RYR3: variants seen among roughly 807,000 people sequenced by gnomAD.
The protein encoded by RYR3 is ryanodine receptor 3, also known as brain ryanodine receptor-calcium release channel.
In RYR3, 207 loss-of-function variants were observed where a neutral mutation model predicts 584.3. The observed-to-expected ratio is 0.35, with a 90% CI of 0.32 to 0.40. The LOEUF (loss-of-function observed/expected upper bound fraction) is 0.40. Among genes scored for constraint, RYR3 ranks in the 10% least tolerant of loss-of-function variants. The pLI is 1.00. For synonymous variants in RYR3, 2,416 were observed against 2,248.5 expected (o/e 1.07, Z -2.11); for missense variants, 5,616 against 6,089.2 (o/e 0.92, Z 2.59).
At chr15:33,703,073 C>CA (rs1303317703) in intron 42 of RYR3, among the ~76,000 whole-genome samples, 1 of 152,130 alleles carries the variant, frequency 6.6e-6, no homozygotes, top group East Asian at 1.9e-4. Context: ...TCTGCTGTTT[C>CA]AGGCCTTGGC....
chr15:33,687,390 A>G (rs1326066913), intron 38 of RYR3, among the ~76,000 whole-genome samples: 1 of 152,196 alleles, frequency 6.6e-6, no homozygotes, highest in Non-Finnish European at 1.5e-5. Context: ...AGAACTACAA[A>G]CCACTGCTCA....
chr15:33,355,679 C>T (rs1973873339), intron 1 of RYR3, among the ~76,000 whole-genome samples: 1 of 152,210 alleles, frequency 6.6e-6, no homozygotes, highest in Non-Finnish European at 1.5e-5. Context: ...GCTGGTGTTG[C>T]TTCCATTGTA....
chr15:33,803,252 C>G (rs887255976), intron 69 of RYR3, among the ~76,000 whole-genome samples: 1 of 152,234 alleles, frequency 6.6e-6, no homozygotes, highest in Non-Finnish European at 1.5e-5. Flanking sequence ...AGAGCAATCA[C>G]ATTCATGAGG....
At chr15:33,835,133 C>T in intron 87 of RYR3, 61 bp downstream of exon 87, 2 of 1,236,852 alleles carry the variant, frequency 1.6e-6, no homozygotes, top group Middle Eastern at 1.9e-4. Context: ...GTCCTCACTC[C>T]TTGGTGTTCC....
intron 37 of RYR3, 141 bp from the exon 38 acceptor site, chr15:33,670,278 C>T (rs1056862571): frequency 1.1e-5 from 9 of 826,004 alleles, no homozygotes; most frequent in South Asian, 6.4e-5. Context: ...TAACTATTCA[C>T]GAGAATAGTA....
chr15:33,700,936 T>C (rs2066255843), intron 41 of RYR3, 41 bp from the exon 42 acceptor site: 1 of 1,454,072 alleles, frequency 6.9e-7, no homozygotes, highest in South Asian at 1.2e-5. Context: ...CTGAGTGTCT[T>C]CCTCTGTCCT....
intron 94 of RYR3, 25 bp downstream of exon 94, chr15:33,848,446 A>C: frequency 6.3e-6 from 10 of 1,595,386 alleles, no homozygotes; most frequent in Non-Finnish European, 5.1e-6. Context: ...ACCCCAACCT[A>C]AAAAGGAGAT....
At chr15:33,861,562 T>C (rs1888227069) in intron 102 of RYR3, among the ~76,000 whole-genome samples, 1 of 152,170 alleles carries the variant, frequency 6.6e-6, no homozygotes, top group Non-Finnish European at 1.5e-5. Flanking sequence ...TTTTTCCCTT[T>C]CAGCACAATT....
chr15:33,813,744 A>C, intron 74 of RYR3, 165 bp downstream of exon 74: 1 of 579,264 alleles, frequency 1.7e-6, no homozygotes, highest in East Asian at 2.9e-5. Flanking sequence ...TAAGACAATC[A>C]AGGTAAGCAT....
rs117977503 is a variant in RYR3, at chr15:33,578,111, A to G, written c.1269-1865A>G. On this transcript the variant is annotated intron_variant, in intron 12 of 103. Transcript: ENST00000634891. ...CAAGTATTAAAAAGTCAAACAACAG[A>G]TGCTGGCGAGGCTGTGGAGAAATAG... Among the ~76,000 whole-genome samples, 1,007 of 152,268 alleles carry G rather than the reference A, an allele frequency of 6.6e-3. 5 individuals carry two copies. Among genetic ancestry groups the G allele is most frequent in the Middle Eastern group, 0.02 (6 of 294 alleles).
chr15:33,808,999 T>A (rs1411484324), intron 70 of RYR3, among the ~76,000 whole-genome samples: 1 of 152,182 alleles, frequency 6.6e-6, no homozygotes, highest in East Asian at 1.9e-4. Context: ...TGCAACCACC[T>A]GAAATTGCAG....
At chr15:33,405,708 G>A (rs139369709) in intron 1 of RYR3, among the ~76,000 whole-genome samples, 1 of 152,206 alleles carries the variant, frequency 6.6e-6, no homozygotes, top group East Asian at 1.9e-4. Context: ...CAACTCAAAT[G>A]AGGTTGCAAA....
intron 21 of RYR3, among the ~76,000 whole-genome samples, chr15:33,629,627 GT>G (rs1455712292): frequency 1.3e-5 from 2 of 152,196 alleles, no homozygotes; most frequent in African/African-American, 4.8e-5. Flanking sequence ...CTTCAGAAAC[GT>G]TATGGTTACA....
At chr15:33,517,936 A>T (rs1452370114) in intron 3 of RYR3, among the ~76,000 whole-genome samples, 1 of 152,138 alleles carries the variant, frequency 6.6e-6, no homozygotes, top group Non-Finnish European at 1.5e-5. Flanking sequence ...GGAACATGGC[A>T]CTTATGGAAC....
At chr15:33,863,354 G>A (rs1475068717) in intron 102 of RYR3, among the ~76,000 whole-genome samples, 2 of 152,126 alleles carry the variant, frequency 1.3e-5, no homozygotes, top group Non-Finnish European at 2.9e-5. Context: ...CTGCTACTGT[G>A]GGCCAGGACC....
chr15:33,785,884 TCACCTCTGAA>T lies in RYR3; in HGVS notation c.9498_9507del (p.Glu3167ValfsTer8), dbSNP rs749879474. The T allele has an allele frequency of 6.2e-7, 1 of 1,613,806 alleles. No homozygotes were observed. The highest frequency in any genetic ancestry group is 1.1e-5 in the South Asian group (1 of 91,058). On this transcript the variant is annotated frameshift_variant, in exon 66 of 104. Coordinates refer to ENST00000634891, the MANE Select transcript of RYR3 (RefSeq NM_001036.6). LOFTEE classifies it high-confidence loss of function. The stretch of plus-strand genomic sequence containing the variant: ...AGCACAGGGCCATGCTGCACCAAGG[TCACCTCTGAA>T]CACCTCAGTCTCATCCTGGGCAACA...
chr15:33,865,438 G>A lies in RYR3; in HGVS notation c.*212G>A, dbSNP rs757556770. The A allele has an allele frequency of 5.6e-5, 28 of 498,656 alleles. 1 individual carries two copies. The highest frequency in any genetic ancestry group is 7.8e-5 in the Non-Finnish European group (22 of 280,810). The allele number at this position is 498,656 out of a possible 1,614,324, so 30.9% of individuals were successfully genotyped here. On this transcript the variant is annotated 3_prime_UTR_variant, in exon 104 of 104. Coordinates refer to ENST00000634891, the MANE Select transcript of RYR3 (RefSeq NM_001036.6). ...GTGGGAGAGAACCTGTCAAAATGTCGAAGAAGGAAGGCGAAGAATCAAGTA... is the reference window on the plus strand; with the variant it reads ...GTGGGAGAGAACCTGTCAAAATGTCAAAGAAGGAAGGCGAAGAATCAAGTA...
rs754609842 is a variant in RYR3 at position 33,669,434 on chromosome 15, T to C, written c.5700T>C (p.His1900=). The part of the protein sequence containing the change: ...EEIREELYDF[H]EDLLLHCGVP... ...TTCGGGAGGAGCTGTATGATTTCCA[T>C]GAGGACCTTCTCCTTCACTGTGGTA... The change falls in exon 37 of 104, where the codon CAT becomes CAC. Residue 1900 remains histidine, a synonymous_variant. Coordinates refer to ENST00000634891, the MANE Select transcript of RYR3 (RefSeq NM_001036.6). 6.2e-7 allele frequency: 1 copy of C among 1,613,986 alleles called. No homozygotes were observed. Among genetic ancestry groups the C allele is most frequent in the Non-Finnish European group, 8.5e-7 (1 of 1,179,866 alleles).
intron 1 of RYR3, among the ~76,000 whole-genome samples, chr15:33,440,121 C>G (rs2046094539): frequency 6.6e-6 from 1 of 152,114 alleles, no homozygotes; most frequent in Admixed American, 6.5e-5. Flanking sequence ...GACCCTGCTT[C>G]TATTAAATTT....
Sources: allele counts gnomAD v4.1 joint callset (sites outside exome capture counted in the v4.1 genomes callset), GRCh38; gene constraint gnomAD v4.1.1; transcripts MANE v1.5; gene names NCBI Gene and HGNC (gene_info 2026-07-23, HGNC 2026-07-21).